The following GGA3 variants were observed in gnomAD, a reference collection of about 807,000 sequenced individuals.
The protein encoded by GGA3 is golgi associated, gamma adaptin ear containing, ARF binding protein 3, also known as ADP-ribosylation factor-binding protein GGA3.
Under a neutral mutation model 77.5 loss-of-function variants are expected in GGA3, and 57 were observed. The observed-to-expected ratio is 0.74, with a 90% CI of 0.59 to 0.92. The LOEUF (loss-of-function observed/expected upper bound fraction) is 0.92. Ranked by LOEUF, GGA3 falls within the 40% of genes least tolerant of loss-of-function variation. The pLI is 0.00. For missense variants in GGA3, 970 were observed against 914.9 expected (o/e 1.06, Z -0.78); for synonymous variants, 416 against 383.7 (o/e 1.08, Z -0.98).
intron 3 of GGA3, among the ~76,000 whole-genome samples, chr17:75,245,657 TG>T (rs1463733400): frequency 2.6e-5 from 4 of 152,202 alleles, no homozygotes; most frequent in African/African-American, 4.8e-5. Context: ...CCCGAGGAGC[TG>T]GGACCACAGG....
In GGA3 at chr17:75,249,106, C is replaced by T. The variant is rs750757924; in HGVS notation, c.41-2310G>A. 4.8e-5 allele frequency: 27 copies of T among 567,276 alleles called. No individual in the cohort carries two copies. In the Admixed American group the frequency reaches 6.4e-4, roughly 13 times the overall value. 35.1% of individuals were successfully genotyped at this position (567,276 alleles called of 1,614,324 possible). A position where few individuals can be genotyped will look rare whatever the true frequency, so the allele number is the denominator to read the frequency against. ...TGTCACCCAGGCTGGAGTGCAGTGG[C>T]GCGATCTAGGCTCACTGCAACCTCC... is the stretch of plus-strand genomic sequence containing the variant. On this transcript the variant is annotated intron_variant, in intron 1 of 16. Transcript: ENST00000537686.
At chr17:75,259,211 C>T (rs1030765648) in intron 1 of GGA3, among the ~76,000 whole-genome samples, 2 of 152,142 alleles carry the variant, frequency 1.3e-5, no homozygotes, top group Non-Finnish European at 2.9e-5. Context: ...GCCTCGGCCT[C>T]CCAACGTGCT....
rs755075964 is a variant in GGA3, at chr17:75,246,741, G to A, written c.96C>T (p.Phe32=). 1 of 1,614,018 alleles carries A rather than the reference G, an allele frequency of 6.2e-7. No individual in the cohort carries two copies. The highest frequency in any genetic ancestry group is 1.1e-5 in the South Asian group (1 of 91,082). The part of the protein sequence containing the change: ...RQEDWEYIIG[F]CDQINKELEG... Reference sequence around the variant, plus strand: ...CCAGCTCCTTGTTGATCTGATCACAGAAGCCAATTATGTATTCCCAGTCCT... The same window carrying A: ...CCAGCTCCTTGTTGATCTGATCACAAAAGCCAATTATGTATTCCCAGTCCT... The change falls in exon 2 of 17, where the codon TTC becomes TTT. Residue 32 remains phenylalanine, a synonymous_variant. Transcript: ENST00000537686.
At chr17:75,250,190 C>T (rs928526045) in intron 1 of GGA3, among the ~76,000 whole-genome samples, 2 of 152,354 alleles carry the variant, frequency 1.3e-5, no homozygotes, top group East Asian at 3.9e-4. Context: ...CTCAACATTT[C>T]CTTCACCTGG....
At chr17:75,243,855 G>A (rs2076661064) in intron 4 of GGA3, among the ~76,000 whole-genome samples, 1 of 152,114 alleles carries the variant, frequency 6.6e-6, no homozygotes, top group African/African-American at 2.4e-5. Context: ...CATCTGCACA[G>A]CAGCCACGTC....
rs2076690722 is a variant in GGA3, at chr17:75,244,603, T to G, written c.300+16A>C. 1 of 1,540,034 alleles carries G rather than the reference T, an allele frequency of 6.5e-7. No individual in the cohort carries two copies. The highest frequency in any genetic ancestry group is 1.4e-5 in the African/African-American group (1 of 73,486). On this transcript the variant is annotated intron_variant, in intron 4 of 16. Transcript: ENST00000537686. ...AAAAGAAGTCCCTAAAAGCGAGGAA[T>G]CTGCCGCTGACTGACCTTTGGAGAG...
In GGA3 at chr17:75,261,595, C is replaced by T; in HGVS notation, c.-8G>A. On this transcript the variant is annotated 5_prime_UTR_variant, in exon 1 of 17. Coordinates refer to ENST00000537686, the MANE Select transcript of GGA3 (RefSeq NM_138619.4). ...CCCTTCCGCCTCCGCCATATTGCAGCCGCCCGGCCCCGCGGCTTCAAAACT... is the reference window on the plus strand; with the variant it reads ...CCCTTCCGCCTCCGCCATATTGCAGTCGCCCGGCCCCGCGGCTTCAAAACT... The T allele has an allele frequency of 6.5e-7, 1 of 1,541,002 alleles. No individual in the cohort carries two copies. Among genetic ancestry groups the T allele is most frequent in the African/African-American group, 1.4e-5 (1 of 71,902 alleles).
At chr17:75,238,500 C>G in intron 16 of GGA3, 111 bp from the exon 17 acceptor site, 1 of 1,037,820 alleles carries the variant, frequency 9.6e-7, no homozygotes, top group South Asian at 1.4e-5. Flanking sequence ...CCCCGCAACC[C>G]CCAACCATGC....
intron 4 of GGA3, 139 bp from the exon 5 acceptor site, chr17:75,243,709 A>T (rs1175666765): frequency 6.4e-6 from 5 of 779,950 alleles, no homozygotes; most frequent in Non-Finnish European, 1.0e-5. Context: ...AGTGTGTGTG[A>T]GACAGCGTGG....
At chr17:75,238,568 C>A in intron 16 of GGA3, 84 bp downstream of exon 16, 1 of 1,062,260 alleles carries the variant, frequency 9.4e-7, no homozygotes, top group Non-Finnish European at 1.4e-6. Flanking sequence ...CAAAACACTT[C>A]CAGCTGGGAG....
Position 75,242,666 on chromosome 17 carries a change from C to T in GGA3, c.609+165G>A, listed in dbSNP as rs572666260. Among the ~76,000 whole-genome samples, 9 of 152,296 alleles carry T rather than the reference C, an allele frequency of 5.9e-5. No individual in the cohort carries two copies. In the South Asian group the frequency reaches 1.0e-3, roughly 18 times the overall value. On this transcript the variant is annotated intron_variant, in intron 7 of 16. Coordinates refer to ENST00000537686, the MANE Select transcript of GGA3 (RefSeq NM_138619.4). Reference sequence around the variant, plus strand: ...AACCCACTCCTCTCTTCCGTGCTCCCGCGGAAGCTATTGTGCTCCTCCTCC... The same window carrying T: ...AACCCACTCCTCTCTTCCGTGCTCCTGCGGAAGCTATTGTGCTCCTCCTCC...
intron 1 of GGA3, 73 bp downstream of exon 1, chr17:75,261,475 G>A (rs1480348400): frequency 2.4e-6 from 3 of 1,224,760 alleles, no homozygotes; most frequent in Admixed American, 3.4e-5. Flanking sequence ...GGAGCCCGGG[G>A]AGGGGACGTG....
chr17:75,258,790 C>T (rs1171389536), intron 1 of GGA3, among the ~76,000 whole-genome samples: 1 of 150,764 alleles, frequency 6.6e-6, no homozygotes, highest in Non-Finnish European at 1.5e-5. Flanking sequence ...CTGTGTGCCC[C>T]AAACAGGTTT....
chr17:75,238,283 A>T lies in GGA3; in HGVS notation c.2168T>A (p.Leu723Gln), dbSNP rs2076389894. 3 of 1,612,804 alleles carry T rather than the reference A, an allele frequency of 1.9e-6. No homozygotes were observed. The highest frequency in any genetic ancestry group is 1.7e-6 in the Non-Finnish European group (2 of 1,179,342). The stretch of plus-strand genomic sequence containing the variant: ...AGATCACAGCGTCCTCTGGGGTCAT[A>T]GGTTCCCCCACTGTTCCACAGGAGG... ...QFPPVEQWGN[L>Q] The change falls in exon 17 of 17, where the codon CTA (leucine) becomes CAA (glutamine). Residue 723 changes from leucine (L) to glutamine (Q), a missense_variant. Physicochemically the swap from Leu to Gln is moderately radical, Grantham distance 113. Transcript: ENST00000537686.
Position 75,240,127 on chromosome 17 carries a change from G to A in GGA3, c.1264-19C>T. On this transcript the variant is annotated intron_variant, in intron 12 of 16. Coordinates refer to ENST00000537686, the MANE Select transcript of GGA3 (RefSeq NM_138619.4). Reference sequence around the variant, plus strand: ...GTTCCCTCTATGAACAACAGAAAGGGTGGTGAGCCGAGGGCGGGTGGGGAG... The same window carrying A: ...GTTCCCTCTATGAACAACAGAAAGGATGGTGAGCCGAGGGCGGGTGGGGAG... 6.7e-7 allele frequency: 1 copy of A among 1,486,330 alleles called. No homozygotes were observed. The highest frequency in any genetic ancestry group is 9.1e-7 in the Non-Finnish European group (1 of 1,096,990). The allele number at this position is 1,486,330 out of a possible 1,614,324, so 92.1% of individuals were successfully genotyped here. A position where few individuals can be genotyped will look rare whatever the true frequency, so the allele number is the denominator to read the frequency against.
chr17:75,259,985 T>C (rs1598462900), intron 1 of GGA3, among the ~76,000 whole-genome samples: 1 of 152,180 alleles, frequency 6.6e-6, no homozygotes, highest in East Asian at 1.9e-4. Flanking sequence ...TCATCTCTAC[T>C]AAAAATCAAA....
At chr17:75,261,410 A>T (rs2077370535) in intron 1 of GGA3, 138 bp downstream of exon 1, 3 of 575,264 alleles carry the variant, frequency 5.2e-6, no homozygotes, top group South Asian at 4.7e-5. Flanking sequence ...GCGTGATCGC[A>T]GGCTGCTCGC....
intron 1 of GGA3, among the ~76,000 whole-genome samples, chr17:75,259,463 G>T (rs1300159675): frequency 6.6e-6 from 1 of 152,148 alleles, no homozygotes; most frequent in Non-Finnish European, 1.5e-5. Flanking sequence ...GGGCTTCCAG[G>T]TAAGGAGAGC....
chr17:75,260,173 ATG>A (rs1408615895), intron 1 of GGA3, among the ~76,000 whole-genome samples: 1 of 152,162 alleles, frequency 6.6e-6, no homozygotes, highest in Non-Finnish European at 1.5e-5. Flanking sequence ...CAAAAACAAA[ATG>A]TAACTCTAAA....
Sources: allele counts gnomAD v4.1 joint callset (sites outside exome capture counted in the v4.1 genomes callset), GRCh38; gene constraint gnomAD v4.1.1; transcripts MANE v1.5; gene names NCBI Gene and HGNC (gene_info 2026-07-23, HGNC 2026-07-21).